ZMYM2: variants seen among roughly 807,000 people sequenced by gnomAD.
ZMYM2 encodes the protein zinc finger MYM-type protein 2.
A neutral mutation model predicts 162.8 loss-of-function variants in ZMYM2; 56 were observed. The ratio of observed to expected loss-of-function variants is 0.34; its 90% CI spans 0.28 to 0.43. The LOEUF (loss-of-function observed/expected upper bound fraction) is 0.43, where lower values mean the gene tolerates loss of function less well. Among genes scored for constraint, ZMYM2 ranks in the 20% least tolerant of loss-of-function variants. The probability of loss-of-function intolerance (pLI) is 1.00; values close to 1 mark genes in which losing one functional copy is unlikely to be tolerated. For missense variants in ZMYM2, 1,275 were observed against 1,621.8 expected (o/e 0.79, Z 3.67); for synonymous variants, 510 against 541.6 (o/e 0.94, Z 0.81).
chr13:19,864,703 G>C, the ZMYM2 span: 6 of 152,226 alleles, frequency 3.9e-5, no homozygotes, highest in Non-Finnish European at 7.3e-5. Context: ...ATGGTTGATG[G>C]AGACTCCATG....
In ZMYM2 at chr13:20,065,090, A is replaced by T. The variant is rs571617613; in HGVS notation, c.3132+545A>T. Among the ~76,000 whole-genome samples the T allele has an allele frequency of 3.7e-4, 56 of 152,332 alleles. No individual in the cohort carries two copies. The South Asian group carries it at 0.011, about 30-fold the overall frequency. On this transcript the variant is annotated intron_variant, in intron 19 of 24. Coordinates refer to ENST00000610343, the MANE Select transcript of ZMYM2 (RefSeq NM_197968.4). Reference sequence around the variant, plus strand: ...ACAGTTTGATCATTCAGGTAGACCAAATCTACATGCATTAACAAGTGTAAT... The same window carrying T: ...ACAGTTTGATCATTCAGGTAGACCATATCTACATGCATTAACAAGTGTAAT...
At chr13:19,926,615 C>T in the ZMYM2 span, among the ~76,000 whole-genome samples, 1 of 152,124 alleles carries the variant, frequency 6.6e-6, no homozygotes, top group African/African-American at 2.4e-5. Flanking sequence ...CCACCCACCT[C>T]GGCCTCCCAA....
At chr13:19,874,174 A>C in the ZMYM2 span, among the ~76,000 whole-genome samples, 60 of 152,226 alleles carry the variant, frequency 3.9e-4, no homozygotes, top group Non-Finnish European at 6.9e-4. Context: ...TCAAATACTT[A>C]TGAATCACCT....
chr13:20,026,572 TGTA>T (rs1952601914), intron 7 of ZMYM2, 37 bp from the exon 8 acceptor site: 2 of 1,547,846 alleles, frequency 1.3e-6, no homozygotes, highest in African/African-American at 2.8e-5. Flanking sequence ...CTAGTTAAGT[TGTA>T]GTCTTAAAAA....
the ZMYM2 span, among the ~76,000 whole-genome samples, chr13:19,949,884 CAA>C: frequency 1.8e-4 from 16 of 91,388 alleles, no homozygotes; most frequent in Admixed American, 2.3e-4. Flanking sequence ...GAGACTTTGT[CAA>C]AAAAAAAAAA....
At chr13:19,918,703 A>G in the ZMYM2 span, among the ~76,000 whole-genome samples, 1 of 151,686 alleles carries the variant, frequency 6.6e-6, no homozygotes, top group East Asian at 2.0e-4. Context: ...TTCATCATAT[A>G]GGTCAGGCTG....
the ZMYM2 span, among the ~76,000 whole-genome samples, chr13:19,873,693 C>T: frequency 6.6e-6 from 1 of 152,166 alleles, no homozygotes; most frequent in African/African-American, 2.4e-5. Flanking sequence ...AGGCGTGAGC[C>T]ACCACGCCCA....
At chr13:19,995,708 T>A (rs987489308) in intron 3 of ZMYM2, among the ~76,000 whole-genome samples, 9 of 152,154 alleles carry the variant, frequency 5.9e-5, no homozygotes, top group African/African-American at 2.2e-4. Flanking sequence ...GGTTGATAGT[T>A]TTCTTGACTA....
At chr13:19,887,421 T>C in the ZMYM2 span, among the ~76,000 whole-genome samples, 1 of 151,088 alleles carries the variant, frequency 6.6e-6, no homozygotes, top group East Asian at 1.9e-4. Context: ...CCCAGCTACA[T>C]GGGAGGCTGA....
chr13:19,904,240 C>T, the ZMYM2 span, among the ~76,000 whole-genome samples: 1 of 151,820 alleles, frequency 6.6e-6, no homozygotes, highest in African/African-American at 2.4e-5. Flanking sequence ...GAATATCAAA[C>T]CTATGTCACT....
the ZMYM2 span, among the ~76,000 whole-genome samples, chr13:19,925,485 G>C: frequency 6.6e-6 from 1 of 152,104 alleles, no homozygotes; most frequent in South Asian, 2.1e-4. Context: ...GTAATCTCAA[G>C]TAGTTATGAT....
chr13:19,958,595 G>C (rs1844523044), upstream of ZMYM2: 1 of 151,970 alleles, frequency 6.6e-6, no homozygotes, highest in African/African-American at 2.4e-5. Flanking sequence ...TACCGAGGGG[G>C]GGCCCTGAAG....
chr13:20,077,238 T>C (rs1957570442), intron 21 of ZMYM2, among the ~76,000 whole-genome samples: 2 of 150,750 alleles, frequency 1.3e-5, no homozygotes, highest in South Asian at 4.1e-4. Context: ...GTTGACAACT[T>C]ACATTTACTG....
intron 3 of ZMYM2, 129 bp from the exon 4 acceptor site, chr13:20,002,721 C>A: frequency 3.5e-6 from 4 of 1,158,606 alleles, no homozygotes; most frequent in South Asian, 1.6e-5. Flanking sequence ...TACCTCTCTG[C>A]TATGTTGCTG....
chr13:19,940,673 G>T, the ZMYM2 span, among the ~76,000 whole-genome samples: 2 of 152,114 alleles, frequency 1.3e-5, no homozygotes, highest in Non-Finnish European at 2.9e-5. Context: ...TTCAAATGGC[G>T]TTCAGCCATT....
At chr13:19,911,999 G>A in the ZMYM2 span, among the ~76,000 whole-genome samples, 1 of 152,234 alleles carries the variant, frequency 6.6e-6, no homozygotes, top group Non-Finnish European at 1.5e-5. Context: ...CCAGAAGACA[G>A]AGGATCTTGG....
intron 23 of ZMYM2, among the ~76,000 whole-genome samples, chr13:20,083,394 G>A (rs1390603607): frequency 6.6e-6 from 1 of 152,208 alleles, no homozygotes; most frequent in Non-Finnish European, 1.5e-5. Context: ...CTATGGTAGG[G>A]ATATCCAAAC....
chr13:19,939,922 G>C, the ZMYM2 span, among the ~76,000 whole-genome samples: 1 of 152,084 alleles, frequency 6.6e-6, no homozygotes, highest in African/African-American at 2.4e-5. Flanking sequence ...TCACTCTGTG[G>C]ACTACTACAC....
At chr13:19,962,883 G>A (rs577316387) in intron 2 of ZMYM2, among the ~76,000 whole-genome samples, 12 of 146,024 alleles carry the variant, frequency 8.2e-5, no homozygotes, top group African/African-American at 1.8e-4. Flanking sequence ...GTGCAGTGGC[G>A]TGATGTCTGC....
Sources: allele counts gnomAD v4.1 joint callset (sites outside exome capture counted in the v4.1 genomes callset), GRCh38; gene constraint gnomAD v4.1.1; transcripts MANE v1.5; gene names NCBI Gene and HGNC (gene_info 2026-07-23, HGNC 2026-07-21).